The following PRKN variants were observed in gnomAD, a reference collection of about 807,000 sequenced individuals.
The protein encoded by PRKN is E3 ubiquitin-protein ligase parkin.
Under a neutral mutation model 59.5 loss-of-function variants are expected in PRKN, and 56 were observed. The observed-to-expected ratio is 0.94, with a 90% CI of 0.76 to 1.18. PRKN has a LOEUF of 1.18. PRKN is among the 50% of genes most tolerant of loss of function. PRKN has a pLI of 0.00. For synonymous variants in PRKN, 250 were observed against 222.1 expected (o/e 1.13, Z -1.12); for missense variants, 657 against 596.4 (o/e 1.10, Z -1.06).
At chr6:162,453,093 G>A (rs929326367) in intron 1 of PRKN, among the ~76,000 whole-genome samples, 28 of 152,128 alleles carry the variant, frequency 1.8e-4, no homozygotes, top group African/African-American at 6.5e-4. Context: ...CCTCCTTGAG[G>A]TGGAAGAGGT....
At position 161,377,103 on chromosome 6, in the gene PRKN, G is replaced by A. The variant is rs916538551; in HGVS notation, c.1167+9691C>T. On this transcript the variant is annotated intron_variant, in intron 10 of 11. Transcript: ENST00000366898. The surrounding 1 kb of genome is among the most constrained non-coding windows in gnomAD (Gnocchi z 4.2). ...TGTGGATTCCAGGTGTCTGTGGAGG[G>A]AAAAGAGGTCACGTGGGGCTACCTG... 1.1e-4 allele frequency among the ~76,000 whole-genome samples: 17 copies of A among 152,338 alleles called. No individual in the cohort carries two copies. Among genetic ancestry groups the A allele is most frequent in the Admixed American group, 2.0e-4 (3 of 15,306 alleles).
chr6:162,165,115 T>C (rs190112553), intron 4 of PRKN, among the ~76,000 whole-genome samples: 31 of 148,654 alleles, frequency 2.1e-4, no homozygotes, highest in Non-Finnish European at 7.4e-5. Context: ...GTCATCCAAA[T>C]AAAAAAGTAA....
At chr6:161,888,602 G>T (rs117364628) in intron 6 of PRKN, among the ~76,000 whole-genome samples, 2 of 152,066 alleles carry the variant, frequency 1.3e-5, no homozygotes, top group Middle Eastern at 6.3e-3. Context: ...CATTTTTTCC[G>T]GTTGATTTTC....
chr6:162,720,369 G>A (rs1778887394), intron 1 of PRKN, among the ~76,000 whole-genome samples: 1 of 149,288 alleles, frequency 6.7e-6, no homozygotes, highest in Non-Finnish European at 1.5e-5. Context: ...TACAGTAAAA[G>A]TAAATTGGAG....
intron 1 of PRKN, among the ~76,000 whole-genome samples, chr6:162,535,929 G>A (rs1456162642): frequency 6.6e-6 from 1 of 150,760 alleles, no homozygotes; most frequent in African/African-American, 2.4e-5. Flanking sequence ...AAAAGAATTT[G>A]GTCTGAGCCT....
At chr6:162,634,736 G>C (rs11756579) in intron 1 of PRKN, among the ~76,000 whole-genome samples, 29,524 of 152,068 alleles carry the variant, frequency 0.19, 3,517 homozygotes, top group East Asian at 0.47. Flanking sequence ...AGAGTCTCCT[G>C]CCTCAGTCTC....
At position 161,856,975 on chromosome 6, in the gene PRKN, G is replaced by C. The variant is rs972314332; in HGVS notation, c.735-71067C>G. On this transcript the variant is annotated intron_variant, in intron 6 of 11. Coordinates refer to ENST00000366898, the MANE Select transcript of PRKN (RefSeq NM_004562.3). ...CTGTAAAGAATCAGAGAGTAGTCCT[G>C]GCACAGTACTTTGGGAGGCTGAGGC... 4.7e-5 allele frequency among the ~76,000 whole-genome samples: 3 copies of C among 63,606 alleles called. No individual in the cohort carries two copies. The South Asian group carries it at 2.0e-3, about 42-fold the overall frequency. 41.7% of individuals were successfully genotyped at this position (63,606 alleles called of 152,430 possible).
At position 162,050,373 on chromosome 6, in the gene PRKN, G is replaced by A. The variant is rs79055533; in HGVS notation, c.618+3718C>T. Among the ~76,000 whole-genome samples, 6,638 of 152,124 alleles carry A rather than the reference G, an allele frequency of 0.044. 857 individuals are homozygous for A. In the East Asian group the frequency reaches 0.54, roughly 12 times the overall value. On this transcript the variant is annotated intron_variant, in intron 5 of 11. Coordinates refer to ENST00000366898, the MANE Select transcript of PRKN (RefSeq NM_004562.3). ...CATTGTCTTTCACATTTCAGTTAGTGCATTTCCATTTCTTTTCATTTCTGT... is the reference window on the plus strand; with the variant it reads ...CATTGTCTTTCACATTTCAGTTAGTACATTTCCATTTCTTTTCATTTCTGT...
intron 7 of PRKN, among the ~76,000 whole-genome samples, chr6:161,614,986 AG>A (rs1427572891): frequency 1.6e-4 from 24 of 145,978 alleles, no homozygotes; most frequent in African/African-American, 5.6e-4. Context: ...AGAGAGAGAG[AG>A]AGAGAGAGAG....
chr6:161,915,460 C>T (rs908863214), intron 6 of PRKN, among the ~76,000 whole-genome samples: 2 of 152,064 alleles, frequency 1.3e-5, no homozygotes, highest in African/African-American at 4.8e-5. Flanking sequence ...GGCTTGAAAT[C>T]CAAAATAGAG....
At chr6:161,531,561 A>C (rs527324797) in intron 9 of PRKN, among the ~76,000 whole-genome samples, 10 of 152,144 alleles carry the variant, frequency 6.6e-5, no homozygotes, top group Non-Finnish European at 1.3e-4. Flanking sequence ...TCCCAAAGAA[A>C]GGAACCTGGG....
rs75054484 is a variant in PRKN, at chr6:161,851,095, G to A, written c.735-65187C>T. ...GACACTTAATCCCTGATGCAACAAT[G>A]TTGAGAGATGGGACCTTTAAGAGGT... On this transcript the variant is annotated intron_variant, in intron 6 of 11. Transcript: ENST00000366898. Among the ~76,000 whole-genome samples the A allele has an allele frequency of 4.6e-5, 7 of 152,314 alleles. No individual in the cohort carries two copies. The East Asian group carries it at 1.2e-3, about 25-fold the overall frequency.
intron 1 of PRKN, among the ~76,000 whole-genome samples, chr6:162,714,235 A>G (rs1778642721): frequency 6.6e-6 from 1 of 152,190 alleles, no homozygotes; most frequent in African/African-American, 2.4e-5. Flanking sequence ...GATTTACAAG[A>G]AAAACGTTCA....
intron 6 of PRKN, among the ~76,000 whole-genome samples, chr6:161,827,509 C>CTT (rs5881438): frequency 0.042 from 5,240 of 124,888 alleles, 502 homozygotes; most frequent in African/African-American, 0.13. Flanking sequence ...ATTGATTTTA[C>CTT]TTTTTTTTTT....
intron 2 of PRKN, among the ~76,000 whole-genome samples, chr6:162,338,987 T>C (rs1401028922): frequency 1.4e-5 from 2 of 141,836 alleles, no homozygotes; most frequent in Non-Finnish European, 3.0e-5. Flanking sequence ...GGCCACCCTG[T>C]CTGAGAAGTG....
chr6:161,791,394 C>A (rs548806533), intron 6 of PRKN, among the ~76,000 whole-genome samples: 19 of 152,290 alleles, frequency 1.2e-4, no homozygotes, highest in African/African-American at 4.3e-4. Flanking sequence ...ATTCTAGCAT[C>A]TACAAAAATA....
intron 1 of PRKN, among the ~76,000 whole-genome samples, chr6:162,674,498 CAACAT>C (rs1326167276): frequency 6.6e-6 from 1 of 152,052 alleles, no homozygotes; most frequent in Non-Finnish European, 1.5e-5. Context: ...GCAGATTGGA[CAACAT>C]AACTAAGGAA....
At chr6:161,536,502 T>C (rs1181861324) in intron 9 of PRKN, among the ~76,000 whole-genome samples, 1 of 151,876 alleles carries the variant, frequency 6.6e-6, no homozygotes, top group Non-Finnish European at 1.5e-5. Flanking sequence ...TAGTGTACAG[T>C]CTGTCTGCTG....
At chr6:161,508,957 G>A (rs181352354) in intron 9 of PRKN, among the ~76,000 whole-genome samples, 4 of 151,814 alleles carry the variant, frequency 2.6e-5, no homozygotes, top group Admixed American at 2.0e-4. Flanking sequence ...TGATTCTCCC[G>A]CCTCAGCCTC....
Sources: gnomAD v4.1 joint callset for allele counts (sites outside exome capture counted in the v4.1 genomes callset) on GRCh38, gnomAD v4.1.1 for gene constraint, Gnocchi (gnomAD v3.1) non-coding constraint, MANE v1.5 for transcripts, NCBI Gene and HGNC (gene_info 2026-07-23, HGNC 2026-07-21) for gene names.